The following MSR1 variants were observed in gnomAD, a reference collection of about 807,000 sequenced individuals.
The protein encoded by MSR1 is macrophage scavenger receptor types I and II.
Under a neutral mutation model 47.2 loss-of-function variants are expected in MSR1, and 53 were observed. The ratio of observed to expected loss-of-function variants is 1.12; its 90% CI spans 0.90 to 1.41. The LOEUF is 1.41. MSR1 is among the 40% of genes most tolerant of loss of function. MSR1 has a pLI of 0.00. For synonymous variants in MSR1, 239 were observed against 185.6 expected (o/e 1.29, Z -2.34); for missense variants, 786 against 546.9 (o/e 1.44, Z -4.36).
At chr8:16,163,381 G>A (rs1325449315) in intron 5 of MSR1, among the ~76,000 whole-genome samples, 1 of 151,264 alleles carries the variant, frequency 6.6e-6, no homozygotes, top group East Asian at 1.9e-4. Context: ...GCAAAAGGTT[G>A]CAATCAAAAT....
intron 9 of MSR1, among the ~76,000 whole-genome samples, chr8:16,113,294 G>C (rs1018207591): frequency 6.6e-6 from 1 of 151,966 alleles, no homozygotes; most frequent in Non-Finnish European, 1.5e-5. Flanking sequence ...ATATTTCTTT[G>C]GGGGATTTGG....
intron 8 of MSR1, chr8:16,121,290 G>A (rs532528561): frequency 2.2e-5 from 6 of 274,696 alleles, no homozygotes; most frequent in South Asian, 2.1e-4. Context: ...AAACTACAAA[G>A]AAATAAACTT....
At chr8:16,145,233 G>C (rs571016032) in intron 7 of MSR1, among the ~76,000 whole-genome samples, 18 of 151,944 alleles carry the variant, frequency 1.2e-4, no homozygotes, top group African/African-American at 4.1e-4. Flanking sequence ...GTTGTTTCAG[G>C]TACTGCTAAA....
chr8:16,145,416 A>T (rs1800670779), intron 7 of MSR1, among the ~76,000 whole-genome samples: 1 of 152,126 alleles, frequency 6.6e-6, no homozygotes, highest in African/African-American at 2.4e-5. Context: ...CTCTTTTCAT[A>T]AAAGAGAACA....
At chr8:16,113,143 T>C (rs1402733634) in intron 9 of MSR1, among the ~76,000 whole-genome samples, 2 of 151,550 alleles carry the variant, frequency 1.3e-5, no homozygotes, top group Non-Finnish European at 2.9e-5. Context: ...AGAGACGGGG[T>C]TTCACCATGT....
chr8:16,160,837 G>A (rs1801140125), intron 5 of MSR1, among the ~76,000 whole-genome samples: 1 of 151,872 alleles, frequency 6.6e-6, no homozygotes, highest in Admixed American at 6.6e-5. Flanking sequence ...AAGCTAGGCA[G>A]AAGGATGACA....
chr8:16,123,460 C>G (rs1800053575), intron 8 of MSR1, among the ~76,000 whole-genome samples: 1 of 151,792 alleles, frequency 6.6e-6, no homozygotes, highest in African/African-American at 2.4e-5. Context: ...TTCACTGTCA[C>G]AAAGATGTAA....
At chr8:16,186,265 A>T in intron 1 of MSR1, 1 of 1,415,532 alleles carries the variant, frequency 7.1e-7, no homozygotes, top group South Asian at 1.2e-5. Flanking sequence ...ACGTCTCAAC[A>T]GCAGAGTGAG....
rs998432410 is a variant in MSR1 at position 16,109,028 on chromosome 8, G to C, written c.*1057C>G. 6.6e-6 allele frequency: 1 copy of C among 151,914 alleles called. No individual in the cohort carries two copies. The highest frequency in any genetic ancestry group is 2.4e-5 in the African/African-American group (1 of 41,330). The allele number at this position is 151,914 out of a possible 1,614,324, so 9.4% of individuals were successfully genotyped here. ...TCTTTCTGCAGGCAGTCACTTTCAG[G>C]GTAGAATTACTGGGTTTCAGGGTAG... On this transcript the variant is annotated 3_prime_UTR_variant, in exon 10 of 10. Coordinates refer to ENST00000262101, the MANE Select transcript of MSR1 (RefSeq NM_138715.3).
chr8:16,131,426 T>C (rs1800252172), intron 8 of MSR1, among the ~76,000 whole-genome samples: 1 of 149,320 alleles, frequency 6.7e-6, no homozygotes, highest in African/African-American at 2.5e-5. Context: ...TATGTATCTG[T>C]TTACTCTGTT....
intron 8 of MSR1, among the ~76,000 whole-genome samples, chr8:16,125,559 C>A (rs1378836488): frequency 6.6e-6 from 1 of 152,050 alleles, no homozygotes; most frequent in Admixed American, 6.6e-5. Context: ...ATCTCTATGA[C>A]AATGAGTTAG....
chr8:16,139,996 A>C, intron 8 of MSR1: 2 of 565,592 alleles, frequency 3.5e-6, no homozygotes, highest in Non-Finnish European at 4.5e-6. Flanking sequence ...TACATCTCTT[A>C]GGGACAATTA....
intron 8 of MSR1, 119 bp from the exon 9 acceptor site, chr8:16,120,725 T>A: frequency 8.5e-7 from 1 of 1,182,362 alleles, no homozygotes; most frequent in Non-Finnish European, 1.2e-6. Context: ...ATTTTCCAAA[T>A]AACTTCAACT....
chr8:16,144,894 T>C (rs1378589949), intron 7 of MSR1, among the ~76,000 whole-genome samples: 1 of 152,098 alleles, frequency 6.6e-6, no homozygotes, highest in African/African-American at 2.4e-5. Context: ...TTAGTGTTTA[T>C]ATTTATTTTT....
intron 8 of MSR1, among the ~76,000 whole-genome samples, chr8:16,130,517 T>C (rs1345060262): frequency 1.3e-5 from 2 of 152,134 alleles, no homozygotes; most frequent in African/African-American, 4.8e-5. Context: ...GGCGTACCTG[T>C]GAAGGTTGGT....
Position 16,120,560 on chromosome 8 carries a change from C to T in MSR1, c.1080G>A (p.Glu360=), listed in dbSNP as rs967214335. 3 of 1,610,246 alleles carry T rather than the reference C, an allele frequency of 1.9e-6. No individual in the cohort carries two copies. The highest frequency in any genetic ancestry group is 1.4e-5 in the African/African-American group (1 of 73,378). Residue 360 remains glutamate (E), a synonymous_variant, in exon 9 of 10, where the codon GAG becomes GAA. Transcript: ENST00000262101. ...VRLVGGSGPH[E]GRVEILHSGQ... is the part of the protein sequence containing the mutation. Reference sequence around the variant, plus strand: ...CGCTGTGGAGTATCTCCACCCTCCCCTCGTGAGGGCCGCTCCCACCGACCA... The same window carrying T: ...CGCTGTGGAGTATCTCCACCCTCCCTTCGTGAGGGCCGCTCCCACCGACCA...
At chr8:16,141,015 G>A (rs1304851169) in intron 8 of MSR1, 1 of 1,613,568 alleles carries the variant, frequency 6.2e-7, no homozygotes, top group African/African-American at 1.3e-5. Context: ...AGAGGGCCCT[G>A]CCCTAATATG....
At chr8:16,159,834 G>C (rs766685229) in intron 5 of MSR1, among the ~76,000 whole-genome samples, 1 of 151,932 alleles carries the variant, frequency 6.6e-6, no homozygotes, top group Non-Finnish European at 1.5e-5. Flanking sequence ...GGTAGAACCA[G>C]CAAAGGCTTC....
At chr8:16,187,364 C>CAAAAAAAAAAAAAAAAAA (rs751848634) in intron 1 of MSR1, among the ~76,000 whole-genome samples, 2 of 35,416 alleles carry the variant, frequency 5.6e-5, no homozygotes, top group African/African-American at 2.4e-4. Context: ...ACTCTGTCTC[C>CAAAAAAAAAAAAAAAAAA]AAAAAAAAAA....
Sources: allele counts gnomAD v4.1 joint callset (sites outside exome capture counted in the v4.1 genomes callset), GRCh38; gene constraint gnomAD v4.1.1; transcripts MANE v1.5; gene names NCBI Gene and HGNC (gene_info 2026-07-23, HGNC 2026-07-21).